Variants in ZNF654 observed in about 807,000 individuals in gnomAD.
ZNF654 encodes zinc finger protein 654.
Under a neutral mutation model 95.3 loss-of-function variants are expected in ZNF654, and 19 were observed. That is an observed-to-expected ratio of 0.20 (90% CI 0.14 to 0.29). The LOEUF is 0.29. ZNF654 is among the 10% of genes least tolerant of loss of function. ZNF654 has a pLI of 1.00. For missense variants in ZNF654, 1,046 were observed against 1,341.0 expected (o/e 0.78, Z 3.44); for synonymous variants, 413 against 457.9 (o/e 0.90, Z 1.25).
chr3:88,109,142 A>ATGT (rs1553697145), intron 2 of ZNF654, among the ~76,000 whole-genome samples: 3 of 142,434 alleles, frequency 2.1e-5, no homozygotes, highest in Non-Finnish European at 4.6e-5. Flanking sequence ...AGTGGGCACT[A>ATGT]GTGTGTGTGT....
intron 7 of ZNF654, among the ~76,000 whole-genome samples, chr3:88,138,225 A>AT (rs936808579): frequency 5.9e-5 from 9 of 152,066 alleles, no homozygotes; most frequent in African/African-American, 2.2e-4. Context: ...AATAAGTAAT[A>AT]TTTTTTCATA....
At chr3:88,061,373 C>CTATATA (rs1706874651) in intron 1 of ZNF654, among the ~76,000 whole-genome samples, 1 of 152,124 alleles carries the variant, frequency 6.6e-6, no homozygotes, top group South Asian at 2.1e-4. Context: ...TATGACTTCG[C>CTATATA]TACCTCCTGT....
intron 1 of ZNF654, among the ~76,000 whole-genome samples, chr3:88,074,776 C>T (rs1707709054): frequency 6.6e-6 from 1 of 152,182 alleles, no homozygotes; most frequent in Non-Finnish European, 1.5e-5. Context: ...CAGGGAATTA[C>T]TTTTGCCAGT....
intron 1 of ZNF654, among the ~76,000 whole-genome samples, chr3:88,073,381 A>G (rs536755712): frequency 6.6e-6 from 1 of 152,224 alleles, no homozygotes; most frequent in Non-Finnish European, 1.5e-5. Context: ...CTGTGGGATA[A>G]TACAGCATTA....
chr3:88,104,552 T>C (rs1339032868), intron 2 of ZNF654, among the ~76,000 whole-genome samples: 2 of 152,200 alleles, frequency 1.3e-5, no homozygotes, highest in Non-Finnish European at 2.9e-5. Flanking sequence ...ATATTATTGG[T>C]TTGTAGCATG....
chr3:88,105,897 G>A (rs562157728), intron 2 of ZNF654, among the ~76,000 whole-genome samples: 1 of 152,244 alleles, frequency 6.6e-6, no homozygotes, highest in African/African-American at 2.4e-5. Flanking sequence ...AGGCCATGAG[G>A]GCCTGCCCTC....
chr3:88,074,710 C>T (rs1707705714), intron 1 of ZNF654, among the ~76,000 whole-genome samples: 1 of 152,124 alleles, frequency 6.6e-6, no homozygotes, highest in Non-Finnish European at 1.5e-5. Context: ...CAACCCAATA[C>T]CCATTAAATT....
At chr3:88,109,627 G>A (rs1704968059) in intron 2 of ZNF654, among the ~76,000 whole-genome samples, 1 of 152,126 alleles carries the variant, frequency 6.6e-6, no homozygotes, top group Non-Finnish European at 1.5e-5. Flanking sequence ...AAGTCTAAGA[G>A]TTTGTTTATA....
chr3:88,140,811 G>A lies in ZNF654; in HGVS notation c.3142G>A (p.Val1048Ile), dbSNP rs199884128. Residue 1048 changes from valine (V) to isoleucine (I), a missense_variant, in exon 8 of 9, where the codon GTC (valine) becomes ATC (isoleucine). By Grantham distance (29) the Val-to-Ile change is conservative. Transcript: ENST00000636215. The part of the protein sequence containing the change: ...SYGLILTKPY[V>I]RPLPPSYLDE... ...TGGCTTAATTTTAACAAAACCATAC[G>A]TCAGACCATTGCCTCCCAGTTACCT... The A allele has an allele frequency of 4.0e-5, 65 of 1,613,548 alleles. 1 individual carries two copies. The East Asian group carries it at 5.3e-4, about 13-fold the overall frequency.
At chr3:88,124,551 A>G (rs1338276948) in intron 3 of ZNF654, among the ~76,000 whole-genome samples, 1 of 152,240 alleles carries the variant, frequency 6.6e-6, no homozygotes, top group African/African-American at 2.4e-5. Flanking sequence ...AATCTCAGCA[A>G]ATTATGAAAG....
In ZNF654 at chr3:88,142,160, G is replaced by C. The variant is rs1707164369; in HGVS notation, c.*508G>C. On this transcript the variant is annotated 3_prime_UTR_variant, in exon 9 of 9. Transcript: ENST00000636215. ...TGGTTTAAGGAACCGCTGCTGTTTGGTTTGTGATTGATTTAGAAACTTATA... is the reference window on the plus strand; with the variant it reads ...TGGTTTAAGGAACCGCTGCTGTTTGCTTTGTGATTGATTTAGAAACTTATA... The C allele has an allele frequency of 6.6e-6, 1 of 152,310 alleles. No homozygotes were observed. Among genetic ancestry groups the C allele is most frequent in the Non-Finnish European group, 1.5e-5 (1 of 67,908 alleles). 9.4% of individuals were successfully genotyped at this position (152,310 alleles called of 1,614,324 possible).
intron 1 of ZNF654, among the ~76,000 whole-genome samples, chr3:88,068,836 A>G (rs1430063348): frequency 2.6e-5 from 4 of 152,182 alleles, no homozygotes; most frequent in Non-Finnish European, 5.9e-5. Context: ...AGTATGTGAT[A>G]ATCAGACTGT....
At chr3:88,085,921 C>A (rs527846208) in intron 1 of ZNF654, among the ~76,000 whole-genome samples, 22 of 152,130 alleles carry the variant, frequency 1.4e-4, no homozygotes, top group Admixed American at 7.9e-4. Flanking sequence ...TTACTATATT[C>A]TACTCTCCAG....
At chr3:88,104,446 T>C (rs1704615195) in intron 2 of ZNF654, among the ~76,000 whole-genome samples, 2 of 152,300 alleles carry the variant, frequency 1.3e-5, no homozygotes, top group South Asian at 2.1e-4. Context: ...AATTAATGGA[T>C]AGCGTTGTGT....
intron 6 of ZNF654, 103 bp downstream of exon 6, chr3:88,129,929 C>T (rs1706345244): frequency 9.2e-7 from 1 of 1,082,104 alleles, no homozygotes; most frequent in Non-Finnish European, 1.2e-6. Flanking sequence ...TGTCAAGCTA[C>T]TTTTAAAAAA....
intron 3 of ZNF654, among the ~76,000 whole-genome samples, chr3:88,124,901 G>GATTCTCTGA (rs1705996863): frequency 6.6e-6 from 1 of 151,498 alleles, no homozygotes; most frequent in Non-Finnish European, 1.5e-5. Context: ...TGTCAAATTC[G>GATTCTCTGA]ATTCTCTGAA....
intron 2 of ZNF654, among the ~76,000 whole-genome samples, chr3:88,100,457 G>A (rs1170048532): frequency 6.6e-6 from 1 of 152,152 alleles, no homozygotes; most frequent in Non-Finnish European, 1.5e-5. Flanking sequence ...ATTTGACCCA[G>A]CCATCCCATT....
At chr3:88,060,129 A>G (rs1243214966) in intron 1 of ZNF654, among the ~76,000 whole-genome samples, 2 of 151,118 alleles carry the variant, frequency 1.3e-5, no homozygotes, top group Non-Finnish European at 3.0e-5. Flanking sequence ...TTTTTTTTTA[A>G]CCTCCTTCGG....
At chr3:88,087,715 G>A (rs1372172045) in intron 2 of ZNF654, among the ~76,000 whole-genome samples, 3 of 152,162 alleles carry the variant, frequency 2.0e-5, no homozygotes, top group Non-Finnish European at 4.4e-5. Context: ...AAATATCAGA[G>A]TATGTCTCAT....
Sources: gnomAD v4.1 joint callset for allele counts (sites outside exome capture counted in the v4.1 genomes callset) on GRCh38, gnomAD v4.1.1 for gene constraint, MANE v1.5 for transcripts, NCBI Gene and HGNC (gene_info 2026-07-23, HGNC 2026-07-21) for gene names.